Variants in NOTCH4 observed in about 807,000 individuals in gnomAD.
NOTCH4 encodes the protein neurogenic locus notch homolog protein 4.
In NOTCH4, 138 loss-of-function variants were observed where a neutral mutation model predicts 189.0. The ratio of observed to expected loss-of-function variants is 0.73; its 90% CI spans 0.64 to 0.84. The LOEUF (loss-of-function observed/expected upper bound fraction) is 0.84. Ranked by LOEUF, NOTCH4 falls within the 40% of genes least tolerant of loss-of-function variation. The probability of loss-of-function intolerance (pLI) is 0.00; values close to 1 mark genes in which losing one functional copy is unlikely to be tolerated. For missense variants in NOTCH4, 2,286 were observed against 2,605.4 expected (o/e 0.88, Z 2.67); for synonymous variants, 942 against 1,032.8 (o/e 0.91, Z 1.69).
intron 18 of NOTCH4, among the ~76,000 whole-genome samples, chr6:32,205,996 C>T (rs867212598): frequency 5.9e-5 from 9 of 151,632 alleles, no homozygotes; most frequent in African/African-American, 2.2e-4. Flanking sequence ...GAGATTGCAC[C>T]ACTACATTCC....
At position 32,200,865 on chromosome 6, in the gene NOTCH4, T is replaced by C. The variant is rs769528297; in HGVS notation, c.4281A>G (p.Gly1427=). Residue 1427 remains glycine, a synonymous_variant, in exon 23 of 30, where the codon GGA becomes GGG. Transcript: ENST00000375023. This position sits in a 1 kb window ranked among gnomAD's most constrained non-coding sequence, Gnocchi z 5.0. ...CATGAGGGTGGACAGCCAGCAGTGG[T>C]CCAGGCAGCAGGGGCTCCAGGGCTC... ...AVGALEPLLP[G]PLLAVHPHAG... is the part of the protein sequence containing the mutation. 2.3e-4 allele frequency: 376 copies of C among 1,608,356 alleles called. No homozygotes were observed. The highest frequency in any genetic ancestry group is 3.0e-4 in the Non-Finnish European group (357 of 1,178,018).
intron 2 of NOTCH4, 60 bp downstream of exon 2, chr6:32,222,944 TC>T (rs574330486): frequency 1.2e-5 from 19 of 1,545,192 alleles, no homozygotes; most frequent in Admixed American, 1.7e-5. Context: ...TCCTCACCTC[TC>T]CCCCCCTGCT....
At position 32,198,833 on chromosome 6, in the gene NOTCH4, A is replaced by T; in HGVS notation, c.4535+93T>A. Reference sequence around the variant, plus strand: ...CCCCTCTCTCCTTCCCCTATCTTTGACTTCTGCAATAGTATTTCTTATCTT... The same window carrying T: ...CCCCTCTCTCCTTCCCCTATCTTTGTCTTCTGCAATAGTATTTCTTATCTT... On this transcript the variant is annotated intron_variant, in intron 24 of 29. Coordinates refer to ENST00000375023, the MANE Select transcript of NOTCH4 (RefSeq NM_004557.4). This position sits in a 1 kb window ranked among gnomAD's most constrained non-coding sequence, Gnocchi z 5.5. 1 of 1,448,768 alleles carries T rather than the reference A, an allele frequency of 6.9e-7. No individual in the cohort carries two copies. The highest frequency in any genetic ancestry group is 9.4e-7 in the Non-Finnish European group (1 of 1,067,496). The allele number at this position is 1,448,768 out of a possible 1,614,324, so 89.7% of individuals were successfully genotyped here.
intron 2 of NOTCH4, 47 bp downstream of exon 2, chr6:32,222,958 C>G: frequency 2.6e-6 from 4 of 1,568,592 alleles, no homozygotes; most frequent in Non-Finnish European, 3.5e-6. Flanking sequence ...CCCCTGCTCT[C>G]CCTCCCCCTT....
At chr6:32,220,355 C>G in intron 6 of NOTCH4, 50 bp downstream of exon 6, 1 of 1,611,474 alleles carries the variant, frequency 6.2e-7, no homozygotes, top group Non-Finnish European at 8.5e-7. Flanking sequence ...TGGTGCTTCT[C>G]TCACCCTCCT....
At chr6:32,204,490 G>T in intron 18 of NOTCH4, 101 bp from the exon 19 acceptor site, 1 of 1,310,220 alleles carries the variant, frequency 7.6e-7, no homozygotes, top group Non-Finnish European at 1.1e-6. Flanking sequence ...CCACCTTCCA[G>T]CTCAACAGCA....
At position 32,201,016 on chromosome 6, in the gene NOTCH4, A is replaced by T; in HGVS notation, c.4140-10T>A. ...CATGACCACCACAAACCTGTAGAGG[A>T]GGCACCTCAGAGACCTCTGTATTGG... On this transcript the variant is annotated splice_polypyrimidine_tract_variant and intron_variant, in intron 22 of 29. Coordinates refer to ENST00000375023, the MANE Select transcript of NOTCH4 (RefSeq NM_004557.4). The surrounding 1 kb of genome is among the most constrained non-coding windows in gnomAD (Gnocchi z 5.5). 1 of 1,555,340 alleles carries T rather than the reference A, an allele frequency of 6.4e-7. No individual in the cohort carries two copies. The highest frequency in any genetic ancestry group is 8.7e-7 in the Non-Finnish European group (1 of 1,151,282).
rs1387792437 is a variant in NOTCH4, at chr6:32,195,884, G to A, written c.5565C>T (p.Gly1855=). ...GCGTCCGGCAGCGCGGCAGAGCCCC[G>A]CCCCCATGCGGGGGCACGCTTACTG... The part of the protein sequence containing the change: ...TVSVSVPPHG[G]GALPRCRTLS... The change falls in exon 30 of 30, where the codon GGC becomes GGT. Residue 1855 remains glycine (G), a synonymous_variant. Transcript: ENST00000375023. The surrounding 1 kb of genome is among the most constrained non-coding windows in gnomAD (Gnocchi z 5.4). 1 of 1,589,890 alleles carries A rather than the reference G, an allele frequency of 6.3e-7. No homozygotes were observed. Among genetic ancestry groups the A allele is most frequent in the South Asian group, 1.1e-5 (1 of 90,062 alleles).
chr6:32,201,492 TA>T lies in NOTCH4; in HGVS notation c.3763del (p.Tyr1255MetfsTer49), dbSNP rs763795320. 1 of 1,491,228 alleles carries T rather than the reference TA, an allele frequency of 6.7e-7. No individual in the cohort carries two copies. Among genetic ancestry groups the T allele is most frequent in the Non-Finnish European group, 8.9e-7 (1 of 1,120,072 alleles). The allele number at this position is 1,491,228 out of a possible 1,614,324, so 92.4% of individuals were successfully genotyped here. On this transcript the variant is annotated frameshift_variant, in exon 22 of 30. Coordinates refer to ENST00000375023, the MANE Select transcript of NOTCH4 (RefSeq NM_004557.4). LOFTEE classifies it high-confidence loss of function. The surrounding 1 kb of genome is among the most constrained non-coding windows in gnomAD (Gnocchi z 5.5). ...CETPPACTPA[Y>X]DQYCHDHFHN... Reference sequence around the variant, plus strand: ...GAAGTGATCATGGCAGTACTGGTCATAGGCTGGACTGTGGGGTAAGGAGAGG... The same window carrying T: ...GAAGTGATCATGGCAGTACTGGTCATGGCTGGACTGTGGGGTAAGGAGAGG...
chr6:32,197,427 C>A lies in NOTCH4; in HGVS notation c.4924G>T (p.Ala1642Ser), dbSNP rs2127461218. The change falls in exon 27 of 30, where the codon GCC becomes TCC. Residue 1642 changes from alanine (A) to serine (S), a missense_variant. Physicochemically the swap from Ala to Ser is moderately conservative, Grantham distance 99. Around this residue, in one of 2 missense-constraint regions of NOTCH4, gnomAD observed 1,903 missense variants for 2,261.9 expected, o/e 0.84. Transcript: ENST00000375023. The part of the protein sequence containing the change: ...GTGETPLHLA[A>S]RFSRPTAARR... Reference sequence around the variant, plus strand: ...GCAGCGGTTGGCCGGGAGAATCGGGCAGCCAGGTGCAGGGGGGTCTCCCCA... The same window carrying A: ...GCAGCGGTTGGCCGGGAGAATCGGGAAGCCAGGTGCAGGGGGGTCTCCCCA... The A allele has an allele frequency of 6.5e-7, 1 of 1,547,836 alleles. No homozygotes were observed. The highest frequency in any genetic ancestry group is 1.2e-5 in the South Asian group (1 of 81,256).
Position 32,221,422 on chromosome 6 carries a change from AT to A in NOTCH4, c.452-98del. ...TCACTCTGGATTATCTCTGGGTCTCATTTTCATATTTCCTTCCCTTTATTAC... is the reference window on the plus strand; with the variant it reads ...TCACTCTGGATTATCTCTGGGTCTCATTTCATATTTCCTTCCCTTTATTAC... On this transcript the variant is annotated intron_variant, in intron 3 of 29. Transcript: ENST00000375023. The surrounding 1 kb of genome is among the most constrained non-coding windows in gnomAD (Gnocchi z 4.3). 1 of 829,938 alleles carries A rather than the reference AT, an allele frequency of 1.2e-6. No individual in the cohort carries two copies. Among genetic ancestry groups the A allele is most frequent in the Non-Finnish European group, 1.9e-6 (1 of 528,826 alleles). The allele number at this position is 829,938 out of a possible 1,614,324, so 51.4% of individuals were successfully genotyped here. A position where few individuals can be genotyped will look rare whatever the true frequency, so the allele number is the denominator to read the frequency against.
rs1458860735 is a variant in NOTCH4, at chr6:32,215,368, G to C, written c.1879C>G (p.Pro627Ala). ...TGGCACAGGTTGGGAGCACACAGGG[G>C]AACCTCACAGAGCTGGCCTGGGGTG... ...SGFTGQLCEV[P>A]LCAPNLCQPK... Residue 627 changes from proline (P) to alanine (A), a missense_variant, in exon 12 of 30, where the codon CCC becomes GCC. Pro to Ala is a conservative substitution (Grantham distance 27, BLOSUM62 -1). Coordinates refer to ENST00000375023, the MANE Select transcript of NOTCH4 (RefSeq NM_004557.4). 6.2e-7 allele frequency: 1 copy of C among 1,610,236 alleles called. No individual in the cohort carries two copies. Among genetic ancestry groups the C allele is most frequent in the Non-Finnish European group, 8.5e-7 (1 of 1,179,094 alleles).
chr6:32,218,400 G>C (rs1182462873), intron 8 of NOTCH4, among the ~76,000 whole-genome samples: 1 of 152,174 alleles, frequency 6.6e-6, no homozygotes, highest in Admixed American at 6.5e-5. Flanking sequence ...GGCTCACCAG[G>C]GCAGGCTGAT....
chr6:32,195,794 G>GT lies in NOTCH4; in HGVS notation c.5654dup (p.Asp1885GlufsTer31). On this transcript the variant is annotated frameshift_variant, in exon 30 of 30. Transcript: ENST00000375023. LOFTEE classifies it low-confidence loss of function (END_TRUNC). This position sits in a 1 kb window ranked among gnomAD's most constrained non-coding sequence, Gnocchi z 5.4. ...AGGCCCCGCCCCCCCGCGCAGCCAA[G>GT]TCTACGGACCAAGTCCGAGCCTGCA... 1.2e-6 allele frequency: 2 copies of GT among 1,605,268 alleles called. No individual in the cohort carries two copies. The highest frequency in any genetic ancestry group is 1.7e-6 in the Non-Finnish European group (2 of 1,179,402).
Position 32,212,473 on chromosome 6 carries a change from C to T in NOTCH4, c.2680+1G>A. ...CTCCAGTCAGTGCCGGCGTTGGTTA[C>T]CTTGGCTCAGTGCAGCCTTCTGGCA... On this transcript the variant is annotated splice_donor_variant, in intron 17 of 29. Transcript: ENST00000375023. LOFTEE classifies it high-confidence loss of function. The surrounding 1 kb of genome is among the most constrained non-coding windows in gnomAD (Gnocchi z 4.4). 1.2e-6 allele frequency: 2 copies of T among 1,606,866 alleles called. No individual in the cohort carries two copies. The highest frequency in any genetic ancestry group is 2.2e-5 in the East Asian group (1 of 44,832).
rs767480516 is a variant in NOTCH4, at chr6:32,202,299, A to G, written c.3532T>C (p.Cys1178Arg). The G allele has an allele frequency of 1.1e-5, 17 of 1,608,854 alleles. No homozygotes were observed. In the African/African-American group the frequency reaches 2.3e-4, roughly 22 times the overall value. The change falls in exon 21 of 30, where the codon TGT becomes CGT. Residue 1178 changes from cysteine to arginine, a missense_variant. Transcript: ENST00000375023. The surrounding 1 kb of genome is among the most constrained non-coding windows in gnomAD (Gnocchi z 5.7). The part of the protein sequence containing the change: ...PRCQKPGAKG[C>R]EGRSGDGACD... ...GCCCCATCTCCACTTCTGCCCTCAC[A>G]CCCCTTGGCTCCGGGTTTCTGACAC... is the stretch of plus-strand genomic sequence containing the variant.
chr6:32,206,400 G>A (rs556180981), intron 18 of NOTCH4, among the ~76,000 whole-genome samples: 3 of 152,082 alleles, frequency 2.0e-5, no homozygotes, highest in Non-Finnish European at 1.5e-5. Context: ...ATTTCTATAC[G>A]CTAACAGCAA....
rs1428348919 is a variant in NOTCH4, at chr6:32,199,924, C to T, written c.4316-779G>A. Among the ~76,000 whole-genome samples the T allele has an allele frequency of 6.6e-6, 1 of 152,122 alleles. No individual in the cohort carries two copies. The highest frequency in any genetic ancestry group is 1.5e-5 in the Non-Finnish European group (1 of 68,024). The stretch of plus-strand genomic sequence containing the variant: ...AAGGCTGAGTATCCATAACCCCAAT[C>T]CCAAATCTGAAATGTTCCAAAGTCT... On this transcript the variant is annotated intron_variant, in intron 23 of 29. Transcript: ENST00000375023. The surrounding 1 kb of genome is among the most constrained non-coding windows in gnomAD (Gnocchi z 4.9).
In NOTCH4 at chr6:32,212,672, C is replaced by T; in HGVS notation, c.2527-45G>A. ...GTGAGGCAGGACATAGCATCAGATT[C>T]TCAGCCCAGAGATGGTCCTCTGCCC... is the stretch of plus-strand genomic sequence containing the variant. On this transcript the variant is annotated intron_variant, in intron 16 of 29. Transcript: ENST00000375023. The surrounding 1 kb of genome is among the most constrained non-coding windows in gnomAD (Gnocchi z 4.4). 6.3e-7 allele frequency: 1 copy of T among 1,579,866 alleles called. No homozygotes were observed. The highest frequency in any genetic ancestry group is 8.6e-7 in the Non-Finnish European group (1 of 1,162,728).
Sources: allele counts gnomAD v4.1 joint callset (sites outside exome capture counted in the v4.1 genomes callset), GRCh38; gene constraint gnomAD v4.1.1; regional missense constraint gnomAD v4.1.1; non-coding constraint Gnocchi (gnomAD v3.1); transcripts MANE v1.5; gene names NCBI Gene and HGNC (gene_info 2026-07-23, HGNC 2026-07-21).